PRELID2: variants seen among roughly 807,000 people sequenced by gnomAD.
The protein encoded by PRELID2 is PRELI domain containing 2.
In PRELID2, 25 loss-of-function variants were observed where a neutral mutation model predicts 28.4. The ratio of observed to expected loss-of-function variants is 0.88; its 90% CI spans 0.64 to 1.23. The LOEUF (loss-of-function observed/expected upper bound fraction) is 1.23. Among genes scored for constraint, PRELID2 ranks in the 50% most tolerant of loss-of-function variants. PRELID2 has a pLI of 0.00. For synonymous variants in PRELID2, 76 were observed against 71.6 expected, an observed-to-expected ratio of 1.06 and a Z score of -0.31; for missense variants, 201 against 214.4, an observed-to-expected ratio of 0.94 and a Z score of 0.39.
At chr5:145,276,707 C>T in the PRELID2 span, among the ~76,000 whole-genome samples, 2 of 151,996 alleles carry the variant, frequency 1.3e-5, no homozygotes, top group Non-Finnish European at 2.9e-5. Flanking sequence ...TTGCTTTCTG[C>T]TATAGTACAT....
intron 1 of PRELID2, among the ~76,000 whole-genome samples, chr5:145,518,403 T>C (rs929404944): frequency 3.9e-5 from 6 of 152,172 alleles, no homozygotes; most frequent in African/African-American, 1.4e-4. Flanking sequence ...TTTTACCATA[T>C]TGGCCAGGCT....
chr5:145,507,859 C>T (rs1168399993), intron 1 of PRELID2, among the ~76,000 whole-genome samples: 1 of 152,098 alleles, frequency 6.6e-6, no homozygotes, highest in African/African-American at 2.4e-5. Context: ...CCTTGAAAAA[C>T]TGTATTAATC....
At chr5:145,435,259 G>C in the PRELID2 span, among the ~76,000 whole-genome samples, 1 of 152,176 alleles carries the variant, frequency 6.6e-6, no homozygotes, top group Admixed American at 6.5e-5. Context: ...GAACTCACTA[G>C]GTCAGGAGGT....
the PRELID2 span, among the ~76,000 whole-genome samples, chr5:145,295,251 A>G: frequency 6.6e-6 from 1 of 152,204 alleles, no homozygotes; most frequent in African/African-American, 2.4e-5. Flanking sequence ...GCCTCTGATG[A>G]AAAATTTATT....
the PRELID2 span, among the ~76,000 whole-genome samples, chr5:145,279,204 AAC>A: frequency 6.6e-6 from 1 of 152,192 alleles, no homozygotes; most frequent in African/African-American, 2.4e-5. Flanking sequence ...CAATGGCAAA[AAC>A]TGCAATAACA....
At chr5:145,400,252 C>A in the PRELID2 span, among the ~76,000 whole-genome samples, 1 of 151,988 alleles carries the variant, frequency 6.6e-6, no homozygotes, top group Non-Finnish European at 1.5e-5. Flanking sequence ...TAAAATAAAT[C>A]CTTTTCCTCT....
At chr5:145,270,714 G>A in the PRELID2 span, among the ~76,000 whole-genome samples, 10 of 152,074 alleles carry the variant, frequency 6.6e-5, no homozygotes, top group African/African-American at 2.2e-4. Flanking sequence ...TTTCTAGGAT[G>A]ATAATAATGT....
At chr5:145,522,765 G>GGAC in intron 1 of PRELID2, among the ~76,000 whole-genome samples, 1 of 151,494 alleles carries the variant, frequency 6.6e-6, no homozygotes, top group Middle Eastern at 3.4e-3. Flanking sequence ...AAAAGGAGGA[G>GGAC]GAGGAGGAGG....
chr5:145,258,541 G>T, the PRELID2 span, among the ~76,000 whole-genome samples: 1 of 152,140 alleles, frequency 6.6e-6, no homozygotes, highest in African/African-American at 2.4e-5. Context: ...CAAGGGATAG[G>T]TGGAACTTTT....
At chr5:145,717,769 G>C (rs892041021) in intron 1 of PRELID2, among the ~76,000 whole-genome samples, 1 of 151,082 alleles carries the variant, frequency 6.6e-6, no homozygotes, top group South Asian at 2.1e-4. Flanking sequence ...AGTAAAATGG[G>C]CCCTAATATT....
chr5:145,803,735 T>TAA (rs11368542), intron 4 of PRELID2, among the ~76,000 whole-genome samples: 4,893 of 134,700 alleles, frequency 0.036, 202 homozygotes, highest in African/African-American at 0.093. Context: ...CAATTTAAAG[T>TAA]AAAAAAAAAA....
At chr5:145,330,046 A>G in the PRELID2 span, among the ~76,000 whole-genome samples, 1 of 152,096 alleles carries the variant, frequency 6.6e-6, no homozygotes, top group Admixed American at 6.5e-5. Flanking sequence ...GGATTTTGTC[A>G]TTGGTTCTGT....
chr5:145,346,066 T>C, the PRELID2 span, among the ~76,000 whole-genome samples: 1 of 152,146 alleles, frequency 6.6e-6, no homozygotes, highest in African/African-American at 2.4e-5. Flanking sequence ...GTTCTCACTC[T>C]AGTCTCTTTT....
intron 1 of PRELID2, among the ~76,000 whole-genome samples, chr5:145,671,210 A>T (rs1754699646): frequency 6.6e-6 from 1 of 152,296 alleles, no homozygotes; most frequent in South Asian, 2.1e-4. Flanking sequence ...GGGGGTTAAA[A>T]ACTATCGCTA....
chr5:145,350,156 T>C, the PRELID2 span, among the ~76,000 whole-genome samples: 3 of 152,220 alleles, frequency 2.0e-5, no homozygotes, highest in Admixed American at 1.3e-4. Context: ...TAAGTTTATA[T>C]GTGCATCAAA....
At chr5:145,743,048 G>A (rs1294986164) in intron 1 of PRELID2, among the ~76,000 whole-genome samples, 2 of 151,968 alleles carry the variant, frequency 1.3e-5, no homozygotes, top group Non-Finnish European at 2.9e-5. Flanking sequence ...GCCCTTTCAA[G>A]TATTAAGAAA....
the PRELID2 span, among the ~76,000 whole-genome samples, chr5:145,399,892 G>T: frequency 6.6e-6 from 1 of 152,134 alleles, no homozygotes; most frequent in South Asian, 2.1e-4. Context: ...TACCTCATGA[G>T]ACTTTTTCAC....
rs1427084293 is a variant in PRELID2, at chr5:145,620,474, G to C, written n.70+144457C>G. Among the ~76,000 whole-genome samples the C allele has an allele frequency of 2.0e-5, 3 of 152,156 alleles. No homozygotes were observed. In the East Asian group the frequency reaches 5.8e-4, roughly 29 times the overall value. On this transcript the variant is annotated intron_variant and non_coding_transcript_variant, in intron 1 of 2. Coordinates refer to the PRELID2 transcript ENST00000510259. ...ACTTTTGTGGGGGATATTGAAAATG[G>C]GGGATGCTACGCATGTGAGGGAGCA... is the stretch of plus-strand genomic sequence containing the variant.
chr5:145,255,584 G>A, the PRELID2 span, among the ~76,000 whole-genome samples: 12,477 of 151,580 alleles, frequency 0.082, 1,094 homozygotes, highest in African/African-American at 0.23. Context: ...ACCAGACTGA[G>A]CAACATAGTG....
Sources: allele counts gnomAD v4.1 joint callset (sites outside exome capture counted in the v4.1 genomes callset), GRCh38; gene constraint gnomAD v4.1.1; transcripts MANE v1.5; gene names NCBI Gene and HGNC (gene_info 2026-07-23, HGNC 2026-07-21).